The following HS3ST5 variants were observed in gnomAD, a reference collection of about 807,000 sequenced individuals.
HS3ST5 encodes heparan sulfate glucosamine 3-O-sulfotransferase 5.
A neutral mutation model predicts 25.4 loss-of-function variants in HS3ST5; 10 were observed. That is an observed-to-expected ratio of 0.39 (90% CI 0.24 to 0.67). The LOEUF is 0.67. HS3ST5 is among the 30% of genes least tolerant of loss of function. HS3ST5 has a pLI of 0.44. For synonymous variants in HS3ST5, 170 were observed against 162.4 expected, an observed-to-expected ratio of 1.05 and a Z score of -0.36; for missense variants, 324 against 420.7, an observed-to-expected ratio of 0.77 and a Z score of 2.01.
At chr6:114,161,439 A>G (rs578147801) in intron 3 of HS3ST5, among the ~76,000 whole-genome samples, 46 of 145,080 alleles carry the variant, frequency 3.2e-4, no homozygotes, top group Admixed American at 3.0e-3. Context: ...ATGAATTAAT[A>G]TTAGAAGCCA....
chr6:114,065,022 A>T (rs1039692356), intron 3 of HS3ST5, among the ~76,000 whole-genome samples: 3 of 152,200 alleles, frequency 2.0e-5, no homozygotes, highest in African/African-American at 7.2e-5. Context: ...GAGCAAAAAC[A>T]GGTAGGCTGG....
chr6:114,108,559 A>C (rs1776103888), intron 3 of HS3ST5, among the ~76,000 whole-genome samples: 1 of 152,142 alleles, frequency 6.6e-6, no homozygotes, highest in Admixed American at 6.5e-5. Flanking sequence ...TCCTCTGGTA[A>C]TATCTCTCCG....
In HS3ST5 at chr6:114,277,848, T is replaced by A. The variant is rs866901903; in HGVS notation, c.-338-49070A>T. Among the ~76,000 whole-genome samples the A allele has an allele frequency of 2.0e-5, 3 of 152,056 alleles. No homozygotes were observed. The South Asian group carries it at 6.2e-4, about 31-fold the overall frequency. On this transcript the variant is annotated intron_variant, in intron 1 of 4. Coordinates refer to ENST00000312719, the MANE Select transcript of HS3ST5 (RefSeq NM_153612.4). The stretch of plus-strand genomic sequence containing the variant: ...GAGCAAGAATGCTCTCATTGCAGGT[T>A]GCCTTGTCGAGGTTATAGTTGTAAT...
chr6:114,153,674 CG>C (rs1778566177), intron 3 of HS3ST5, among the ~76,000 whole-genome samples: 1 of 152,154 alleles, frequency 6.6e-6, no homozygotes, highest in Admixed American at 6.5e-5. Flanking sequence ...CAGTAAAAAA[CG>C]TAAGTAATTT....
At chr6:114,266,795 A>G (rs1773421686) in intron 1 of HS3ST5, among the ~76,000 whole-genome samples, 1 of 152,160 alleles carries the variant, frequency 6.6e-6, no homozygotes, top group Admixed American at 6.5e-5. Flanking sequence ...CCTATTTCTG[A>G]TATTATTAAA....
At chr6:114,318,450 T>A (rs985075861) in intron 1 of HS3ST5, among the ~76,000 whole-genome samples, 11 of 152,192 alleles carry the variant, frequency 7.2e-5, no homozygotes, top group African/African-American at 2.7e-4. Context: ...AGATTTTTTT[T>A]AATAACTGTC....
chr6:114,329,143 A>C (rs553131155), intron 1 of HS3ST5, among the ~76,000 whole-genome samples: 1 of 152,294 alleles, frequency 6.6e-6, no homozygotes, highest in African/African-American at 2.4e-5. Context: ...GTTCAGTATG[A>C]ATGTACCTTC....
intron 2 of HS3ST5, among the ~76,000 whole-genome samples, chr6:114,190,537 G>A (rs988989428): frequency 6.6e-6 from 1 of 152,146 alleles, no homozygotes; most frequent in Non-Finnish European, 1.5e-5. Context: ...GGTAGTTAAG[G>A]CACCATGACT....
intron 3 of HS3ST5, chr6:114,131,960 C>T (rs1292565645): frequency 6.6e-6 from 1 of 152,150 alleles, no homozygotes; most frequent in East Asian, 1.9e-4. Context: ...TATGTTTTTC[C>T]TTCAATTTAA....
chr6:114,238,696 A>T (rs1771969316), intron 1 of HS3ST5, among the ~76,000 whole-genome samples: 1 of 152,156 alleles, frequency 6.6e-6, no homozygotes, highest in African/African-American at 2.4e-5. Flanking sequence ...AAATATCCTG[A>T]GATGTCACCA....
At chr6:114,124,798 G>A (rs962737764) in intron 3 of HS3ST5, among the ~76,000 whole-genome samples, 3 of 151,986 alleles carry the variant, frequency 2.0e-5, no homozygotes, top group African/African-American at 2.4e-5. Flanking sequence ...ATCAGCTATC[G>A]ATTTTCAGGT....
chr6:114,122,613 A>G (rs1279187141), intron 3 of HS3ST5, among the ~76,000 whole-genome samples: 1 of 152,212 alleles, frequency 6.6e-6, no homozygotes, highest in African/African-American at 2.4e-5. Flanking sequence ...TTAATTCAAG[A>G]TTGGAAGAGA....
intron 2 of HS3ST5, among the ~76,000 whole-genome samples, chr6:114,219,123 A>G (rs1781910032): frequency 6.6e-6 from 1 of 152,246 alleles, no homozygotes; most frequent in Non-Finnish European, 1.5e-5. Flanking sequence ...CTCATTCACA[A>G]TAAATGTGGT....
chr6:114,277,394 T>C (rs1444184661), intron 1 of HS3ST5, among the ~76,000 whole-genome samples: 1 of 149,070 alleles, frequency 6.7e-6, no homozygotes, highest in African/African-American at 2.5e-5. Context: ...AAATATTAGG[T>C]TGGTGCAAAA....
chr6:114,298,050 C>G (rs1272173113), intron 1 of HS3ST5, among the ~76,000 whole-genome samples: 1 of 152,178 alleles, frequency 6.6e-6, no homozygotes, highest in Admixed American at 6.5e-5. Context: ...ATATTTGCAG[C>G]ATTTGAAAGT....
At position 114,259,775 on chromosome 6, in the gene HS3ST5, A is replaced by G. The variant is rs373648962; in HGVS notation, c.-338-30997T>C. Reference sequence around the variant, plus strand: ...ATACAGAAGAGATATAGATGTAGACATAGAAATATGTCTGAGGAACACGTG... The same window carrying G: ...ATACAGAAGAGATATAGATGTAGACGTAGAAATATGTCTGAGGAACACGTG... On this transcript the variant is annotated intron_variant, in intron 1 of 4. Transcript: ENST00000312719. Among the ~76,000 whole-genome samples, 44 of 152,348 alleles carry G rather than the reference A, an allele frequency of 2.9e-4. No individual in the cohort carries two copies. In the South Asian group the frequency reaches 3.9e-3, roughly 14 times the overall value.
intron 2 of HS3ST5, among the ~76,000 whole-genome samples, chr6:114,181,738 A>G (rs1779980607): frequency 6.6e-6 from 1 of 152,212 alleles, no homozygotes; most frequent in South Asian, 2.1e-4. Context: ...AGATTTGGCC[A>G]TTTTAGACAT....
At chr6:114,280,746 A>T (rs2114736257) in intron 1 of HS3ST5, among the ~76,000 whole-genome samples, 1 of 152,148 alleles carries the variant, frequency 6.6e-6, no homozygotes, top group East Asian at 1.9e-4. Flanking sequence ...TTCAATTTGT[A>T]TGCCTTTGAA....
intron 2 of HS3ST5, among the ~76,000 whole-genome samples, chr6:114,197,930 G>T (rs915508611): frequency 2.6e-5 from 4 of 152,060 alleles, no homozygotes; most frequent in Non-Finnish European, 4.4e-5. Flanking sequence ...CCTAGCAATG[G>T]ATCCTAACCA....
Sources: allele counts gnomAD v4.1 joint callset (sites outside exome capture counted in the v4.1 genomes callset), GRCh38; gene constraint gnomAD v4.1.1; transcripts MANE v1.5; gene names NCBI Gene and HGNC (gene_info 2026-07-23, HGNC 2026-07-21).